HSD11B1: variants seen among roughly 807,000 people sequenced by gnomAD.
HSD11B1 encodes 11-beta-hydroxysteroid dehydrogenase 1.
In HSD11B1, 15 loss-of-function variants were observed where a neutral mutation model predicts 22.1. The ratio of observed to expected loss-of-function variants is 0.68; its 90% CI spans 0.45 to 1.04. The LOEUF is 1.04. Among genes scored for constraint, HSD11B1 ranks in the 50% least tolerant of loss-of-function variants. The probability of loss-of-function intolerance (pLI) is 0.00; values close to 1 mark genes in which losing one functional copy is unlikely to be tolerated. For missense variants in HSD11B1, 281 were observed against 357.6 expected (o/e 0.79, Z 1.73); for synonymous variants, 122 against 125.2 (o/e 0.97, Z 0.17).
chr1:209,696,323 T>TA (rs1188491077), intron 1 of HSD11B1, among the ~76,000 whole-genome samples: 1 of 152,220 alleles, frequency 6.6e-6, no homozygotes, highest in Non-Finnish European at 1.5e-5. Flanking sequence ...ATTGTACACT[T>TA]AAAATGAGAT....
intron 4 of HSD11B1, among the ~76,000 whole-genome samples, chr1:209,728,577 A>G (rs2077017329): frequency 2.0e-5 from 3 of 152,176 alleles, no homozygotes; most frequent in Admixed American, 2.0e-4. Flanking sequence ...TGTCTCAAAC[A>G]ATAAGGAAAA....
intron 4 of HSD11B1, among the ~76,000 whole-genome samples, chr1:209,726,883 G>T (rs1296370455): frequency 6.6e-6 from 1 of 152,120 alleles, no homozygotes; most frequent in African/African-American, 2.4e-5. Flanking sequence ...TCTTGCTTCT[G>T]TATCTCTGTT....
At chr1:209,692,180 T>A (rs1347818767) in intron 1 of HSD11B1, among the ~76,000 whole-genome samples, 1 of 152,088 alleles carries the variant, frequency 6.6e-6, no homozygotes, top group Non-Finnish European at 1.5e-5. Flanking sequence ...ATTAAGTCTC[T>A]AACAAGCTAA....
chr1:209,726,391 C>T (rs2077002078), intron 4 of HSD11B1, among the ~76,000 whole-genome samples: 1 of 151,258 alleles, frequency 6.6e-6, no homozygotes, highest in Non-Finnish European at 1.5e-5. Context: ...TCACTTGATG[C>T]CAGGGATTTT....
chr1:209,690,739 A>G (rs887899328), intron 1 of HSD11B1, among the ~76,000 whole-genome samples: 1 of 152,042 alleles, frequency 6.6e-6, no homozygotes, highest in Non-Finnish European at 1.5e-5. Flanking sequence ...TAAGCATTGG[A>G]AGATAAAATT....
chr1:209,706,993 C>T lies in HSD11B1; in HGVS notation c.382C>T (p.Leu128Phe). Residue 128 changes from leucine to phenylalanine, a missense_variant, in exon 4 of 6, where the codon CTT becomes TTT. Transcript: ENST00000367027. This position sits in a 1 kb window ranked among gnomAD's most constrained non-coding sequence, Gnocchi z 4.0. ...CCACATCACCAACACTTCTTTGAAT[C>T]TTTTTCATGATGATATTCACCATGT... The part of the protein sequence containing the change: ...LNHITNTSLN[L>F]FHDDIHHVRK... The T allele has an allele frequency of 6.2e-7, 1 of 1,614,100 alleles. No individual in the cohort carries two copies. Among genetic ancestry groups the T allele is most frequent in the Non-Finnish European group, 8.5e-7 (1 of 1,179,954 alleles).
intron 4 of HSD11B1, among the ~76,000 whole-genome samples, chr1:209,716,080 G>C (rs1423363800): frequency 6.6e-6 from 1 of 152,146 alleles, no homozygotes; most frequent in Non-Finnish European, 1.5e-5. Flanking sequence ...AGAAGTCCTA[G>C]CCAGGGCAAT....
upstream of HSD11B1, among the ~76,000 whole-genome samples, chr1:209,701,972 C>A (rs1174076628): frequency 6.6e-6 from 1 of 152,134 alleles, no homozygotes; most frequent in Non-Finnish European, 1.5e-5. Context: ...CAGTGAAAAG[C>A]CCATTCTGTG....
chr1:209,701,436 C>T (rs1230965957), upstream of HSD11B1, among the ~76,000 whole-genome samples: 1 of 152,178 alleles, frequency 6.6e-6, no homozygotes, highest in Non-Finnish European at 1.5e-5. Flanking sequence ...CCCTGGGTCC[C>T]TCTCACAACA....
chr1:209,734,243 G>A (rs978024792), intron 5 of HSD11B1, 61 bp from the exon 6 acceptor site: 6 of 1,348,806 alleles, frequency 4.4e-6, no homozygotes, highest in African/African-American at 4.3e-5. Flanking sequence ...ATGTCTCCAG[G>A]CCTTCCATCA....
intron 4 of HSD11B1, among the ~76,000 whole-genome samples, chr1:209,714,513 G>C (rs2076918253): frequency 6.6e-6 from 1 of 152,142 alleles, no homozygotes; most frequent in Non-Finnish European, 1.5e-5. Context: ...CTAGTACCTG[G>C]ATTTCTGGCT....
intron 5 of HSD11B1, among the ~76,000 whole-genome samples, chr1:209,734,034 G>A (rs941986934): frequency 1.3e-5 from 2 of 152,120 alleles, no homozygotes; most frequent in African/African-American, 4.8e-5. Context: ...CAAGAGAGAA[G>A]CATGATTCAG....
At position 209,729,670 on chromosome 1, in the gene HSD11B1, C is replaced by T. The variant is rs541291143; in HGVS notation, c.518-2766C>T. On this transcript the variant is annotated intron_variant, in intron 4 of 5. Transcript: ENST00000367027. ...AACATTGAAACCAAAACTAAAGATA[C>T]AACAAAAAAGAGAAAACCACAGGCC... Among the ~76,000 whole-genome samples, 31 of 151,980 alleles carry T rather than the reference C, an allele frequency of 2.0e-4. 1 individual carries two copies. In the South Asian group the frequency reaches 6.3e-3, roughly 31 times the overall value.
At chr1:209,733,770 A>G (rs1164285127) in intron 5 of HSD11B1, among the ~76,000 whole-genome samples, 1 of 152,188 alleles carries the variant, frequency 6.6e-6, no homozygotes, top group Non-Finnish European at 1.5e-5. Context: ...GGGAAACAAG[A>G]AAGGAATGGA....
chr1:209,712,551 C>T (rs2076904444), intron 4 of HSD11B1, among the ~76,000 whole-genome samples: 1 of 152,096 alleles, frequency 6.6e-6, no homozygotes. Flanking sequence ...ATATGAGGGA[C>T]TTGAGTATCT....
At chr1:209,701,812 C>A (rs1034403265), upstream of HSD11B1, among the ~76,000 whole-genome samples, 1 of 152,210 alleles carries the variant, frequency 6.6e-6, no homozygotes, top group Non-Finnish European at 1.5e-5. Flanking sequence ...ATCAGTCTCC[C>A]CAGATCTGGC....
intron 1 of HSD11B1, among the ~76,000 whole-genome samples, chr1:209,687,763 A>T (rs1333753261): frequency 7.9e-5 from 12 of 152,196 alleles, no homozygotes; most frequent in African/African-American, 2.7e-4. Flanking sequence ...TAAATACAAC[A>T]TTCAGTTAAA....
intron 1 of HSD11B1, among the ~76,000 whole-genome samples, chr1:209,691,560 CTCT>C (rs56938817): frequency 0.18 from 27,243 of 152,030 alleles, 2,600 homozygotes; most frequent in Admixed American, 0.22. Context: ...AATTTTATAT[CTCT>C]TGTCAGAGGG....
At chr1:209,722,953 C>A (rs916627089) in intron 4 of HSD11B1, among the ~76,000 whole-genome samples, 8 of 152,196 alleles carry the variant, frequency 5.3e-5, no homozygotes, top group Non-Finnish European at 1.0e-4. Context: ...TGTAGGCCTC[C>A]TTTTGACCTC....
Sources: allele counts gnomAD v4.1 joint callset (sites outside exome capture counted in the v4.1 genomes callset), GRCh38; gene constraint gnomAD v4.1.1; non-coding constraint Gnocchi (gnomAD v3.1); transcripts MANE v1.5; gene names NCBI Gene and HGNC (gene_info 2026-07-23, HGNC 2026-07-21).